Variants in OPHN1 observed in about 807,000 individuals in gnomAD.
OPHN1 encodes oligophrenin 1.
Under a neutral mutation model 60.7 loss-of-function variants are expected in OPHN1, and 11 were observed. That is an observed-to-expected ratio of 0.18 (90% CI 0.11 to 0.30). OPHN1 has a LOEUF of 0.30. Ranked by LOEUF, OPHN1 falls within the 10% of genes least tolerant of loss-of-function variation. OPHN1 has a pLI of 1.00. For missense variants in OPHN1, 449 were observed against 611.0 expected (o/e 0.73, Z 2.80); for synonymous variants, 226 against 222.6 (o/e 1.02, Z -0.14).
chrX:68,229,500 T>A, intron 6 of OPHN1, among the ~76,000 whole-genome samples: 1 of 111,719 alleles, frequency 9.0e-6, no homozygotes, highest in East Asian at 2.8e-4. Context: ...TCATGCTACC[T>A]GATTTCAAAC....
At chrX:68,143,898 C>T (rs1353750400) in intron 15 of OPHN1, among the ~76,000 whole-genome samples, 4 of 112,019 alleles carry the variant, frequency 3.6e-5, no homozygotes, top group African/African-American at 1.3e-4. Context: ...ACAATATATG[C>T]TGAGTCCTAT....
chrX:68,337,257 C>T (rs761178775), intron 2 of OPHN1, among the ~76,000 whole-genome samples: 82 of 111,323 alleles, frequency 7.4e-4, no homozygotes, highest in Middle Eastern at 4.6e-3. Flanking sequence ...CCCATTCTTA[C>T]GCATCAACTT....
chrX:68,368,961 C>T lies in OPHN1; in HGVS notation c.154+63906G>A, dbSNP rs1264167691. 2.7e-5 allele frequency among the ~76,000 whole-genome samples: 3 copies of T among 111,898 alleles called. No individual in the cohort carries two copies. The East Asian group carries it at 8.5e-4, about 32-fold the overall frequency. On this transcript the variant is annotated intron_variant, in intron 2 of 24. Coordinates refer to ENST00000355520, the MANE Select transcript of OPHN1 (RefSeq NM_002547.3). ...CAGTGGCTCACGCCTGTAATCCCAG[C>T]ACTTTGGGAGGCCAAGGCAGGTGGA...
chrX:68,313,513 T>C (rs1216135279), intron 2 of OPHN1, among the ~76,000 whole-genome samples: 1 of 111,810 alleles, frequency 8.9e-6, no homozygotes, highest in Non-Finnish European at 1.9e-5. Flanking sequence ...CATTCAACCA[T>C]AAAAAAGAAT....
intron 3 of OPHN1, among the ~76,000 whole-genome samples, chrX:68,291,699 T>A (rs1362630322): frequency 2.7e-5 from 3 of 110,418 alleles, no homozygotes; most frequent in Non-Finnish European, 5.7e-5. Context: ...ATGGTTAGAC[T>A]GCAAAGTCTA....
At position 68,042,622 on chromosome X, in the gene OPHN1, G is replaced by T. The variant is rs1204500458; in HGVS notation, c.*4550C>A. 2 of 103,745 alleles carry T rather than the reference G, an allele frequency of 1.9e-5. No homozygotes were observed. The highest frequency in any genetic ancestry group is 7.1e-5 in the African/African-American group (2 of 28,246). The allele number at this position is 103,745 out of a possible 1,213,427, so 8.5% of individuals were successfully genotyped here. On this transcript the variant is annotated 3_prime_UTR_variant, in exon 25 of 25. Coordinates refer to ENST00000355520, the MANE Select transcript of OPHN1 (RefSeq NM_002547.3). Reference sequence around the variant, plus strand: ...GCAGCCAAAAAACACATGAAGAAATGCTCATCATCACTGGCCATCAGAGAA... The same window carrying T: ...GCAGCCAAAAAACACATGAAGAAATTCTCATCATCACTGGCCATCAGAGAA...
At chrX:68,405,105 G>A (rs2147771660) in intron 2 of OPHN1, among the ~76,000 whole-genome samples, 2 of 112,459 alleles carry the variant, frequency 1.8e-5, no homozygotes, top group South Asian at 3.7e-4. Flanking sequence ...GAATTCGTAT[G>A]TGATGCAAAC....
At chrX:68,100,301 A>C (rs1427250890) in intron 18 of OPHN1, among the ~76,000 whole-genome samples, 4 of 110,691 alleles carry the variant, frequency 3.6e-5, no homozygotes, top group African/African-American at 1.3e-4. Context: ...ACACACACAC[A>C]CCCCAGAAAC....
intron 2 of OPHN1, among the ~76,000 whole-genome samples, chrX:68,385,496 A>C (rs766821658): frequency 8.9e-6 from 1 of 112,567 alleles, no homozygotes; most frequent in Non-Finnish European, 1.9e-5. Flanking sequence ...AATACTGTTA[A>C]ACTGTGACTG....
intron 24 of OPHN1, 29 bp downstream of exon 24, chrX:68,048,387 T>C (rs750135034): frequency 8.4e-7 from 1 of 1,190,126 alleles, no homozygotes; most frequent in South Asian, 1.8e-5. Context: ...TGGAACAAGA[T>C]TTTGTAATCA....
intron 2 of OPHN1, among the ~76,000 whole-genome samples, chrX:68,370,078 A>G (rs964677300): frequency 1.0e-5 from 1 of 98,160 alleles, no homozygotes; most frequent in African/African-American, 3.9e-5. Context: ...CATCTGGCAA[A>G]ATGGTCTTTC....
intron 12 of OPHN1, among the ~76,000 whole-genome samples, chrX:68,196,663 C>T (rs961978086): frequency 2.7e-5 from 3 of 112,022 alleles, no homozygotes; most frequent in Admixed American, 1.9e-4. Context: ...CTAAATGGAA[C>T]GGTACATCTT....
intron 15 of OPHN1, among the ~76,000 whole-genome samples, chrX:68,173,950 G>A (rs940673545): frequency 4.5e-5 from 5 of 111,964 alleles, no homozygotes; most frequent in African/African-American, 1.6e-4. Context: ...GTGGGATTGT[G>A]ATGGGAAGTG....
intron 15 of OPHN1, among the ~76,000 whole-genome samples, chrX:68,169,517 A>C (rs753128768): frequency 3.0e-4 from 32 of 106,274 alleles, no homozygotes; most frequent in African/African-American, 5.7e-4. Context: ...ATCACGCTAC[A>C]TGACTTCAAA....
At chrX:68,097,286 T>A (rs2077041600) in intron 18 of OPHN1, among the ~76,000 whole-genome samples, 1 of 110,896 alleles carries the variant, frequency 9.0e-6, no homozygotes, top group South Asian at 3.9e-4. Context: ...CAGACAGGGA[T>A]GTGGGGAGGG....
intron 2 of OPHN1, among the ~76,000 whole-genome samples, chrX:68,382,533 A>G (rs1309719312): frequency 1.8e-5 from 2 of 110,812 alleles, no homozygotes; most frequent in African/African-American, 6.6e-5. Context: ...GGTTTTAAGT[A>G]TTAAATGAGA....
intron 5 of OPHN1, among the ~76,000 whole-genome samples, chrX:68,247,132 G>A (rs7064841): frequency 0.35 from 37,960 of 109,637 alleles, 8,699 homozygotes; most frequent in African/African-American, 0.85. Context: ...ATTTCAAATC[G>A]TCCTTCAAGA....
chrX:68,106,190 CTTTT>C (rs71831333), intron 18 of OPHN1, among the ~76,000 whole-genome samples: 2 of 74,490 alleles, frequency 2.7e-5, no homozygotes, highest in African/African-American at 9.7e-5. Context: ...AAAGCTTTTC[CTTTT>C]TTTTTTTTTT....
At chrX:68,278,822 G>A (rs1318670626) in intron 4 of OPHN1, among the ~76,000 whole-genome samples, 1 of 111,721 alleles carries the variant, frequency 9.0e-6, no homozygotes, top group Non-Finnish European at 1.9e-5. Context: ...GGAGGCGGAG[G>A]CTGCAGTGAG....
Sources: allele counts gnomAD v4.1 joint callset (sites outside exome capture counted in the v4.1 genomes callset), GRCh38; gene constraint gnomAD v4.1.1; transcripts MANE v1.5; gene names NCBI Gene and HGNC (gene_info 2026-07-23, HGNC 2026-07-21).